Variants in ABCC11 observed in about 807,000 individuals in gnomAD.
ABCC11 encodes ATP binding cassette subfamily C member 11.
A neutral mutation model predicts 149.3 loss-of-function variants in ABCC11; 135 were observed. That is an observed-to-expected ratio of 0.90 (90% CI 0.79 to 1.04). ABCC11 has a LOEUF of 1.04. Among genes scored for constraint, ABCC11 ranks in the 50% least tolerant of loss-of-function variants. The pLI is 0.00. For missense variants in ABCC11, 1,680 were observed against 1,722.1 expected, an observed-to-expected ratio of 0.98 and a Z score of 0.43; for synonymous variants, 665 against 671.4, an observed-to-expected ratio of 0.99 and a Z score of 0.15.
chr16:48,186,335 T>A (rs1296192738), intron 22 of ABCC11, among the ~76,000 whole-genome samples: 3 of 152,208 alleles, frequency 2.0e-5, no homozygotes, highest in Non-Finnish European at 4.4e-5. Context: ...TCTGCCCCTC[T>A]CTTATGCTAT....
At chr16:48,228,286 C>T (rs1234531889) in intron 3 of ABCC11, among the ~76,000 whole-genome samples, 2 of 151,718 alleles carry the variant, frequency 1.3e-5, no homozygotes, top group Non-Finnish European at 2.9e-5. Context: ...AAAAAAAAGC[C>T]ACTTGCAGAT....
chr16:48,192,660 T>C lies in ABCC11; in HGVS notation c.2566A>G (p.Asn856Asp). The C allele has an allele frequency of 6.2e-7, 1 of 1,614,172 alleles. No individual in the cohort carries two copies. Among genetic ancestry groups the C allele is most frequent in the Non-Finnish European group, 8.5e-7 (1 of 1,180,038 alleles). Residue 856 changes from asparagine (N) to aspartate (D), a missense_variant, in exon 20 of 30, where the codon AAT becomes GAT. Coordinates refer to ENST00000356608, the MANE Select transcript of ABCC11 (RefSeq NM_001370497.1). ...TMADLGNIAD[N>D]PQLSFYQLVY... ...AGCTGGTAGAAGGACAGTTGAGGAT[T>C]GTCTGCAATGTTGCCCAGGTCTGCC...
chr16:48,222,533 G>T, intron 6 of ABCC11, 65 bp downstream of exon 6: 1 of 1,401,282 alleles, frequency 7.1e-7, no homozygotes. Flanking sequence ...TTGGCCCCCA[G>T]GGCAGTTATG....
intron 27 of ABCC11, among the ~76,000 whole-genome samples, chr16:48,170,562 A>G (rs1356701807): frequency 1.3e-5 from 2 of 152,166 alleles, no homozygotes; most frequent in African/African-American, 4.8e-5. Context: ...ATGACTACCT[A>G]TACAGCCCTT....
chr16:48,236,757 C>A (rs572593877), intron 1 of ABCC11, among the ~76,000 whole-genome samples: 23 of 152,330 alleles, frequency 1.5e-4, no homozygotes, highest in African/African-American at 5.5e-4. Flanking sequence ...GGGTTTTCAT[C>A]AAGCAGGCAG....
Position 48,200,420 on chromosome 16 carries a change from G to C in ABCC11, c.1938C>G (p.Arg646=), listed in dbSNP as rs145630207. 6.2e-7 allele frequency: 1 copy of C among 1,614,214 alleles called. No individual in the cohort carries two copies. The highest frequency in any genetic ancestry group is 1.1e-5 in the South Asian group (1 of 91,086). The change falls in exon 15 of 30, where the codon CGC becomes CGG. Residue 646 remains arginine, a synonymous_variant. Transcript: ENST00000356608. ...GGQKQRISLA[R]AVYSDRQIYL... ...AGATCTGACGGTCGGAATAGACGGC[G>C]CGGGCCAGGCTGATCCTCTGTTTCT...
At chr16:48,233,262 G>A (rs1970522049) in intron 1 of ABCC11, among the ~76,000 whole-genome samples, 1 of 152,196 alleles carries the variant, frequency 6.6e-6, no homozygotes, top group Non-Finnish European at 1.5e-5. Flanking sequence ...TAGACTGCAA[G>A]CTAACCCATT....
At chr16:48,241,594 G>A (rs995487791) in intron 1 of ABCC11, among the ~76,000 whole-genome samples, 5 of 152,258 alleles carry the variant, frequency 3.3e-5, no homozygotes, top group South Asian at 2.1e-4. Flanking sequence ...CAAGACAATC[G>A]TAAGCCAAAA....
rs144776755 is a variant in ABCC11, at chr16:48,222,702, T to A, written c.673A>T (p.Ile225Phe). 63 of 1,614,064 alleles carry A rather than the reference T, an allele frequency of 3.9e-5. No homozygotes were observed. In the African/African-American group the frequency reaches 7.9e-4, roughly 20 times the overall value. The change falls in exon 6 of 30, where the codon ATC (isoleucine) becomes TTC (phenylalanine). Residue 225 changes from isoleucine (I) to phenylalanine (F), a missense_variant. Physicochemically the swap from Ile to Phe is conservative, Grantham distance 21. Coordinates refer to ENST00000356608, the MANE Select transcript of ABCC11 (RefSeq NM_001370497.1). ...CTGATGGCTGTGCGTTGGTTGATGA[T>A]CCAACTGGAGGAGAAACTCAGAGAC... ...VKSLSFSSSW[I>F]INQRTAIRFR...
chr16:48,193,933 G>T lies in ABCC11; in HGVS notation c.2454C>A (p.Phe818Leu). Residue 818 changes from phenylalanine to leucine, a missense_variant, in exon 19 of 30, where the codon TTC (phenylalanine) becomes TTA (leucine). Coordinates refer to ENST00000356608, the MANE Select transcript of ABCC11 (RefSeq NM_001370497.1). ...GCCACCAGAAGCTGAAGATCGTTAA[G>T]AAGACGATCAGCACCACGAAGAAGA... Reference protein sequence around the residue: ...IIFFFVVLIVFLTIFSFWWLS... With the variant: ...IIFFFVVLIVLLTIFSFWWLS... The T allele has an allele frequency of 6.2e-7, 1 of 1,614,084 alleles. No individual in the cohort carries two copies. The highest frequency in any genetic ancestry group is 1.1e-5 in the South Asian group (1 of 91,064).
At chr16:48,215,138 AG>A in intron 8 of ABCC11, 58 bp downstream of exon 8, 1 of 1,591,888 alleles carries the variant, frequency 6.3e-7, no homozygotes, top group Non-Finnish European at 8.6e-7. Flanking sequence ...AAGAGGTGAG[AG>A]GGGCTCGGCT....
intron 10 of ABCC11, 24 bp from the exon 11 acceptor site, chr16:48,211,223 G>T: frequency 6.2e-7 from 1 of 1,609,872 alleles, no homozygotes. Flanking sequence ...AAAAAATAGA[G>T]GGAGGAGGAA....
rs55978876 is a variant in ABCC11 at position 48,166,930 on chromosome 16, A to G, written c.*344T>C. ...GAAAGTGAGTTTTCCTTAGTTTTAT[A>G]TTTTACAAAGTCAGTACAGCATTTG... is the stretch of plus-strand genomic sequence containing the variant. On this transcript the variant is annotated 3_prime_UTR_variant, in exon 30 of 30. Transcript: ENST00000356608. 14,470 of 197,110 alleles carry G rather than the reference A, an allele frequency of 0.073. 711 individuals carry two copies. The highest frequency in any genetic ancestry group is 0.1 in the Non-Finnish European group (10,054 of 96,698). The allele number at this position is 197,110 out of a possible 1,614,324, so 12.2% of individuals were successfully genotyped here. A position where few individuals can be genotyped will look rare whatever the true frequency, so the allele number is the denominator to read the frequency against.
At chr16:48,207,886 C>T (rs192850715) in intron 12 of ABCC11, among the ~76,000 whole-genome samples, 74 of 152,158 alleles carry the variant, frequency 4.9e-4, no homozygotes, top group African/African-American at 1.7e-3. Flanking sequence ...AGTAAGACTG[C>T]CCCATCCCAT....
At chr16:48,196,141 A>G in intron 18 of ABCC11, 91 bp downstream of exon 18, 1 of 1,327,708 alleles carries the variant, frequency 7.5e-7, no homozygotes, top group Non-Finnish European at 1.1e-6. Context: ...GGACCTCTCT[A>G]CTTCACATGA....
chr16:48,189,311 G>T (rs1166874128), intron 20 of ABCC11, among the ~76,000 whole-genome samples: 7 of 152,204 alleles, frequency 4.6e-5, no homozygotes, highest in Non-Finnish European at 1.5e-5. Context: ...ATCTGTGGAA[G>T]CCCAGCATTA....
At position 48,213,553 on chromosome 16, in the gene ABCC11, G is replaced by A; in HGVS notation, c.1249-3C>T. Reference sequence around the variant, plus strand: ...AAGGAGGCCAGCATGCTGAAGGCCTGGATAAGAAGGGGAGGAGGTGGTGAG... The same window carrying A: ...AAGGAGGCCAGCATGCTGAAGGCCTAGATAAGAAGGGGAGGAGGTGGTGAG... On this transcript the variant is annotated splice_polypyrimidine_tract_variant and splice_region_variant and intron_variant, in intron 9 of 29. Coordinates refer to ENST00000356608, the MANE Select transcript of ABCC11 (RefSeq NM_001370497.1). The A allele has an allele frequency of 6.2e-7, 1 of 1,605,030 alleles. No individual in the cohort carries two copies. Among genetic ancestry groups the A allele is most frequent in the South Asian group, 1.1e-5 (1 of 89,456 alleles).
intron 1 of ABCC11, among the ~76,000 whole-genome samples, chr16:48,240,935 T>A (rs1424986636): frequency 3.4e-5 from 5 of 148,270 alleles, no homozygotes; most frequent in Non-Finnish European, 6.0e-5. Flanking sequence ...ACAGCATCAC[T>A]TTTTTTTTTA....
chr16:48,208,273 G>A, intron 12 of ABCC11, 152 bp downstream of exon 12: 1 of 808,630 alleles, frequency 1.2e-6, no homozygotes, highest in Non-Finnish European at 1.9e-6. Context: ...CTCCCGCACA[G>A]TGCAAGCACA....
Sources: gnomAD v4.1 joint callset for allele counts (sites outside exome capture counted in the v4.1 genomes callset) on GRCh38, gnomAD v4.1.1 for gene constraint, MANE v1.5 for transcripts, NCBI Gene and HGNC (gene_info 2026-07-23, HGNC 2026-07-21) for gene names.